The following RANBP17 variants were observed in gnomAD, a reference collection of about 807,000 sequenced individuals.
RANBP17 encodes the protein ran-binding protein 17.
In RANBP17, 158 loss-of-function variants were observed where a neutral mutation model predicts 141.2. The observed-to-expected ratio is 1.12, with a 90% CI of 0.98 to 1.28. The LOEUF is 1.28. Ranked by LOEUF, RANBP17 falls within the 50% of genes most tolerant of loss-of-function variation. RANBP17 has a pLI of 0.00. For missense variants in RANBP17, 1,438 were observed against 1,290.7 expected, an observed-to-expected ratio of 1.11 and a Z score of -1.75; for synonymous variants, 430 against 450.0, an observed-to-expected ratio of 0.96 and a Z score of 0.56.
intron 12 of RANBP17, among the ~76,000 whole-genome samples, chr5:170,949,221 CTAAT>C (rs544416272): frequency 6.6e-6 from 1 of 152,034 alleles, no homozygotes; most frequent in South Asian, 2.1e-4. Flanking sequence ...CAGAGTTTAT[CTAAT>C]TAATTAGACA....
chr5:171,005,901 AAAAAACAAACAACCCCATC>A, intron 14 of RANBP17, among the ~76,000 whole-genome samples: 1 of 152,308 alleles, frequency 6.6e-6, no homozygotes, highest in Non-Finnish European at 1.5e-5. Flanking sequence ...TTTACAAGAA[AAAAAACAAACAACCCCATC>A]AAAAAGTAGG....
At chr5:171,114,840 A>G (rs1022284116) in intron 14 of RANBP17, among the ~76,000 whole-genome samples, 1 of 151,832 alleles carries the variant, frequency 6.6e-6, no homozygotes, top group Non-Finnish European at 1.5e-5. Flanking sequence ...GTGGCCAAGT[A>G]TGGTAGCTCA....
intron 14 of RANBP17, among the ~76,000 whole-genome samples, chr5:171,019,755 T>C (rs949595833): frequency 6.6e-6 from 1 of 152,002 alleles, no homozygotes; most frequent in African/African-American, 2.4e-5. Flanking sequence ...CATGTCTTGA[T>C]CTCCTTAAGT....
chr5:171,020,022 C>A (rs949811380), intron 14 of RANBP17, among the ~76,000 whole-genome samples: 5 of 152,080 alleles, frequency 3.3e-5, no homozygotes, highest in African/African-American at 9.7e-5. Context: ...CTTCATTTCA[C>A]TGTTTACTGA....
At chr5:170,862,440 G>C (rs1197591288) in intron 1 of RANBP17, among the ~76,000 whole-genome samples, 2 of 152,216 alleles carry the variant, frequency 1.3e-5, no homozygotes, top group African/African-American at 4.8e-5. Context: ...GCTGCCGAGC[G>C]GTGGAGCAGC....
At chr5:170,946,415 A>G (rs536551916) in intron 12 of RANBP17, among the ~76,000 whole-genome samples, 1 of 152,288 alleles carries the variant, frequency 6.6e-6, no homozygotes, top group East Asian at 1.9e-4. Context: ...TTAGATTCAC[A>G]TCCATTACAT....
chr5:170,934,260 T>G (rs1406569589), intron 12 of RANBP17, among the ~76,000 whole-genome samples: 1 of 152,232 alleles, frequency 6.6e-6, no homozygotes, highest in Non-Finnish European at 1.5e-5. Flanking sequence ...GTTTTCCATT[T>G]GCTTGGTAGA....
chr5:171,266,456 T>A (rs17680464), intron 25 of RANBP17, among the ~76,000 whole-genome samples: 20,550 of 152,174 alleles, frequency 0.14, 1,567 homozygotes, highest in East Asian at 0.21. Context: ...TACCATTTTT[T>A]AAAAACTCAC....
At chr5:171,090,686 G>A (rs2127727492) in intron 14 of RANBP17, among the ~76,000 whole-genome samples, 1 of 152,288 alleles carries the variant, frequency 6.6e-6, no homozygotes, top group East Asian at 1.9e-4. Flanking sequence ...GCAGGGCCCA[G>A]GGTCCCTCTG....
chr5:171,220,142 C>T (rs553084770), intron 21 of RANBP17, among the ~76,000 whole-genome samples: 2 of 152,228 alleles, frequency 1.3e-5, no homozygotes, highest in South Asian at 2.1e-4. Context: ...TTTCTTCTAA[C>T]AGGCCCTTCT....
intron 24 of RANBP17, among the ~76,000 whole-genome samples, chr5:171,254,002 C>CT (rs1334437562): frequency 6.6e-6 from 1 of 152,122 alleles, no homozygotes; most frequent in Non-Finnish European, 1.5e-5. Flanking sequence ...AATCCCAACA[C>CT]TTTAGGAGGC....
chr5:171,293,907 A>G lies in RANBP17; in HGVS notation c.2968A>G (p.Ile990Val). 6.2e-7 allele frequency: 1 copy of G among 1,613,692 alleles called. No homozygotes were observed. Among genetic ancestry groups the G allele is most frequent in the South Asian group, 1.1e-5 (1 of 91,068 alleles). The change falls in exon 26 of 28, where the codon ATT becomes GTT. Residue 990 changes from isoleucine to valine, a missense_variant. Coordinates refer to ENST00000523189, the MANE Select transcript of RANBP17 (RefSeq NM_022897.5). ...QQMMSVLMNT[I>V]VFEDCRNQWS... is the part of the protein sequence containing the mutation. ...GATGATGTCTGTCCTCATGAACACC[A>G]TTGTCTTTGAAGACTGTCGGAACCA...
At chr5:171,145,151 G>C (rs1414976102) in intron 14 of RANBP17, among the ~76,000 whole-genome samples, 2 of 152,174 alleles carry the variant, frequency 1.3e-5, no homozygotes, top group African/African-American at 2.4e-5. Context: ...AGTCAAGCCA[G>C]ATTTCTTATC....
chr5:171,215,796 T>C (rs1477513859), intron 21 of RANBP17, among the ~76,000 whole-genome samples: 1 of 152,198 alleles, frequency 6.6e-6, no homozygotes, highest in Non-Finnish European at 1.5e-5. Context: ...TTGTAGATTC[T>C]GGATATTAGA....
At chr5:171,207,591 C>A (rs372115965) in intron 20 of RANBP17, 4 of 152,066 alleles carry the variant, frequency 2.6e-5, no homozygotes, top group African/African-American at 7.2e-5. Flanking sequence ...GGGTCAGGGG[C>A]GGAGAGAAGT....
intron 12 of RANBP17, among the ~76,000 whole-genome samples, chr5:170,945,135 A>AT (rs896280672): frequency 3.3e-4 from 49 of 148,464 alleles, no homozygotes; most frequent in African/African-American, 7.6e-4. Context: ...TTTACTTGGA[A>AT]TTTTTTTTTT....
intron 25 of RANBP17, among the ~76,000 whole-genome samples, chr5:171,293,190 T>C (rs1386257523): frequency 6.6e-6 from 1 of 152,172 alleles, no homozygotes; most frequent in Admixed American, 6.5e-5. Context: ...CAGCCCTATT[T>C]CCTGTTATTT....
At chr5:170,942,394 T>C (rs2127477299) in intron 12 of RANBP17, among the ~76,000 whole-genome samples, 1 of 152,196 alleles carries the variant, frequency 6.6e-6, no homozygotes, top group African/African-American at 2.4e-5. Flanking sequence ...AATAAATAGA[T>C]CATAATGTAA....
At chr5:170,980,046 A>C (rs571377063) in intron 14 of RANBP17, among the ~76,000 whole-genome samples, 43 of 152,232 alleles carry the variant, frequency 2.8e-4, no homozygotes, top group African/African-American at 9.9e-4. Flanking sequence ...GATGGAGATG[A>C]GGAACTGGAG....
Sources: gnomAD v4.1 joint callset for allele counts (sites outside exome capture counted in the v4.1 genomes callset) on GRCh38, gnomAD v4.1.1 for gene constraint, MANE v1.5 for transcripts, NCBI Gene and HGNC (gene_info 2026-07-23, HGNC 2026-07-21) for gene names.